Variants in PAK2 observed in about 807,000 individuals in gnomAD.
PAK2 encodes the protein serine/threonine-protein kinase PAK 2.
A neutral mutation model predicts 65.9 loss-of-function variants in PAK2; 21 were observed. That is an observed-to-expected ratio of 0.32 (90% CI 0.23 to 0.46). The LOEUF is 0.46. Among genes scored for constraint, PAK2 ranks in the 20% least tolerant of loss-of-function variants. The pLI is 1.00. For missense variants in PAK2, 324 were observed against 642.6 expected, an observed-to-expected ratio of 0.50 and a Z score of 5.36; for synonymous variants, 204 against 219.7, an observed-to-expected ratio of 0.93 and a Z score of 0.63.
At chr3:196,743,256 T>C (rs1331064697) in intron 1 of PAK2, among the ~76,000 whole-genome samples, 1 of 152,200 alleles carries the variant, frequency 6.6e-6, no homozygotes, top group Non-Finnish European at 1.5e-5. Flanking sequence ...TGTTCCAGCC[T>C]ACTATCTCTG....
chr3:196,812,845 T>G lies in PAK2; in HGVS notation c.929T>G (p.Leu310Trp). ...ELKNPNIVNF[L>W]DSYLVGDELF... is the part of the protein sequence containing the mutation. ...AAAAATCCCAACATCGTTAACTTTT[T>G]GGACAGGTAAGTATGACTATTCCTT... The change falls in exon 10 of 15, where the codon TTG (leucine) becomes TGG (tryptophan). Residue 310 changes from leucine to tryptophan, a missense_variant. Leu to Trp is a moderately conservative substitution (Grantham distance 61). Around this residue, in one of 5 missense-constraint regions of PAK2, gnomAD observed 183 missense variants for 246.2 expected, o/e 0.74. Transcript: ENST00000327134. 7.2e-7 allele frequency: 1 copy of G among 1,388,814 alleles called. No homozygotes were observed. The highest frequency in any genetic ancestry group is 1.0e-6 in the Non-Finnish European group (1 of 976,130). The allele number at this position is 1,388,814 out of a possible 1,614,324, so 86.0% of individuals were successfully genotyped here. A position where few individuals can be genotyped will look rare whatever the true frequency, so the allele number is the denominator to read the frequency against.
At chr3:196,769,490 C>T (rs1238343944) in intron 1 of PAK2, among the ~76,000 whole-genome samples, 1 of 151,764 alleles carries the variant, frequency 6.6e-6, no homozygotes, top group South Asian at 2.1e-4. Context: ...CATCCTTTTC[C>T]AGAGCATTTT....
At chr3:196,764,632 T>A (rs9879160) in intron 1 of PAK2, among the ~76,000 whole-genome samples, 20,660 of 148,220 alleles carry the variant, frequency 0.14, 1,880 homozygotes, top group East Asian at 0.42. Flanking sequence ...AAAAAATAAA[T>A]AAATAAATAC....
chr3:196,754,055 T>A (rs1713694216), intron 1 of PAK2, among the ~76,000 whole-genome samples: 2 of 152,204 alleles, frequency 1.3e-5, no homozygotes, highest in Non-Finnish European at 2.9e-5. Flanking sequence ...CTTTTTCACT[T>A]CTAATGTTGG....
In PAK2 at chr3:196,765,439, G is replaced by T. The variant is rs565206942; in HGVS notation, c.-21-17187G>T. ...ACTGGGATTACAGGTGCGAGCCACC[G>T]CATCCAGCCTGCCAAATTTTCTAAA... On this transcript the variant is annotated intron_variant, in intron 1 of 14. Transcript: ENST00000327134. Among the ~76,000 whole-genome samples, 3 of 152,158 alleles carry T rather than the reference G, an allele frequency of 2.0e-5. No individual in the cohort carries two copies. The South Asian group carries it at 6.2e-4, about 32-fold the overall frequency.
At position 196,810,627 on chromosome 3, in the gene PAK2, T is replaced by C. The variant is rs977073781; in HGVS notation, c.747T>C (p.Tyr249=). The C allele has an allele frequency of 8.4e-6, 13 of 1,555,838 alleles. No homozygotes were observed. The highest frequency in any genetic ancestry group is 1.4e-5 in the African/African-American group (1 of 73,936). ...GCATAGGTGACCCTAAGAAAAAATA[T>C]ACAAGATATGAAAAAATTGGACAAG... The part of the protein sequence containing the change: ...IVSIGDPKKK[Y]TRYEKIGQGA... Residue 249 remains tyrosine (Y), a synonymous_variant, in exon 8 of 15, where the codon TAT becomes TAC. Coordinates refer to ENST00000327134, the MANE Select transcript of PAK2 (RefSeq NM_002577.4).
chr3:196,807,755 C>T lies in PAK2; in HGVS notation c.577-27C>T, dbSNP rs954664005. 4.4e-6 allele frequency: 6 copies of T among 1,355,338 alleles called. No individual in the cohort carries two copies. In the Admixed American group the frequency reaches 1.2e-4, roughly 26 times the overall value. The allele number at this position is 1,355,338 out of a possible 1,614,324, so 84.0% of individuals were successfully genotyped here. On this transcript the variant is annotated intron_variant, in intron 6 of 14. Coordinates refer to ENST00000327134, the MANE Select transcript of PAK2 (RefSeq NM_002577.4). ...ATATCTGAAAACATTATTCCTCAAA[C>T]CTTGGTAATGAACTGTGTCTCCACA... is the stretch of plus-strand genomic sequence containing the variant.
chr3:196,756,783 C>G (rs576401836), intron 1 of PAK2, among the ~76,000 whole-genome samples: 1 of 152,312 alleles, frequency 6.6e-6, no homozygotes, highest in East Asian at 1.9e-4. Flanking sequence ...TTGTAGTGAG[C>G]TGAGATTGTG....
At chr3:196,773,179 T>C (rs1714415652) in intron 1 of PAK2, among the ~76,000 whole-genome samples, 1 of 152,216 alleles carries the variant, frequency 6.6e-6, no homozygotes, top group Admixed American at 6.5e-5. Context: ...GGCACACTTT[T>C]TGTTTCGCCT....
Position 196,776,765 on chromosome 3 carries a change from C to A in PAK2, c.-21-5861C>A, listed in dbSNP as rs368015754. On this transcript the variant is annotated intron_variant, in intron 1 of 14. Coordinates refer to ENST00000327134, the MANE Select transcript of PAK2 (RefSeq NM_002577.4). The stretch of plus-strand genomic sequence containing the variant: ...AAAACTTCTGCATGGGTAACAGATT[C>A]ATTCAAAATTCAAGAGAGTCAATTG... 7.9e-5 allele frequency among the ~76,000 whole-genome samples: 12 copies of A among 152,282 alleles called. 1 individual carries two copies. Among genetic ancestry groups the A allele is most frequent in the Admixed American group, 7.8e-4 (12 of 15,294 alleles).
chr3:196,754,350 CAT>C (rs1201531790), intron 1 of PAK2, among the ~76,000 whole-genome samples: 4 of 152,194 alleles, frequency 2.6e-5, no homozygotes, highest in African/African-American at 4.8e-5. Flanking sequence ...TGTCCTGTCT[CAT>C]GTGCATTTGT....
intron 8 of PAK2, among the ~76,000 whole-genome samples, chr3:196,811,325 TCCCTTCCCTCCCTTCCCTC>T (rs1715808122): frequency 1.1e-4 from 1 of 9,002 alleles, no homozygotes; most frequent in Non-Finnish European, 2.0e-4. Context: ...TTTCCTTCCT[TCCCTTCCCTCCCTTCCCTC>T]CCTTCCTTCC....
chr3:196,806,926 T>A (rs1323657290), intron 6 of PAK2, among the ~76,000 whole-genome samples: 1 of 152,206 alleles, frequency 6.6e-6, no homozygotes, highest in Non-Finnish European at 1.5e-5. Flanking sequence ...GCTTTTTTCT[T>A]TGTATAGTAC....
chr3:196,822,642 G>C (rs77303905), intron 13 of PAK2, among the ~76,000 whole-genome samples: 289 of 152,278 alleles, frequency 1.9e-3, no homozygotes, highest in African/African-American at 6.4e-3. Flanking sequence ...TGAGGCTGCA[G>C]TGAGCTGTTA....
chr3:196,777,743 T>C (rs2108735378), intron 1 of PAK2, among the ~76,000 whole-genome samples: 1 of 152,332 alleles, frequency 6.6e-6, no homozygotes, highest in African/African-American at 2.4e-5. Flanking sequence ...TTCTCCAGGT[T>C]ATGAACTCTT....
In PAK2 at chr3:196,818,176, T is replaced by C. The variant is rs1300952948; in HGVS notation, c.1153+20T>C. ...AGCTCAGTGAGTAACAAATGGACAA[T>C]TCACAATCATTTATTATAATTTTCT... On this transcript the variant is annotated intron_variant, in intron 12 of 14. Transcript: ENST00000327134. 2.3e-6 allele frequency: 2 copies of C among 867,336 alleles called. No individual in the cohort carries two copies. The highest frequency in any genetic ancestry group is 3.9e-6 in the Non-Finnish European group (2 of 513,700). 53.7% of individuals were successfully genotyped at this position (867,336 alleles called of 1,614,324 possible). A position where few individuals can be genotyped will look rare whatever the true frequency, so the allele number is the denominator to read the frequency against.
chr3:196,814,959 C>T (rs1257526419), intron 11 of PAK2, among the ~76,000 whole-genome samples: 2 of 151,058 alleles, frequency 1.3e-5, no homozygotes, highest in Admixed American at 1.3e-4. Context: ...GCGGGTGGAT[C>T]ACAAGGTCAG....
In PAK2 at chr3:196,782,580, G is replaced by A. The variant is rs556751805; in HGVS notation, c.-21-46G>A. 93 of 875,090 alleles carry A rather than the reference G, an allele frequency of 1.1e-4. No homozygotes were observed. In the South Asian group the frequency reaches 1.5e-3, roughly 14 times the overall value. 54.2% of individuals were successfully genotyped at this position (875,090 alleles called of 1,614,324 possible). ...AGTTATTACTGTTTTTTGCTTGTTC[G>A]TGCTATTTTTTACTTTGTTACTAAT... On this transcript the variant is annotated intron_variant, in intron 1 of 14. Transcript: ENST00000327134.
At chr3:196,774,028 T>C (rs1221986887) in intron 1 of PAK2, among the ~76,000 whole-genome samples, 2 of 151,958 alleles carry the variant, frequency 1.3e-5, no homozygotes, top group Non-Finnish European at 2.9e-5. Flanking sequence ...CGAGACTCCG[T>C]CTCAAAAAAA....
Sources: gnomAD v4.1 joint callset for allele counts (sites outside exome capture counted in the v4.1 genomes callset) on GRCh38, gnomAD v4.1.1 for gene constraint, gnomAD v4.1.1 regional missense constraint, MANE v1.5 for transcripts, NCBI Gene and HGNC (gene_info 2026-07-23, HGNC 2026-07-21) for gene names.